EHMT1: variants seen among roughly 807,000 people sequenced by gnomAD.
The protein encoded by EHMT1 is euchromatic histone lysine methyltransferase 1, also known as histone-lysine N-methyltransferase EHMT1.
Under a neutral mutation model 147.2 loss-of-function variants are expected in EHMT1, and 15 were observed. That is an observed-to-expected ratio of 0.10 (90% CI 0.07 to 0.16). The LOEUF is 0.16. Ranked by LOEUF, EHMT1 falls within the 10% of genes least tolerant of loss-of-function variation. EHMT1 has a pLI of 1.00. For missense variants in EHMT1, 1,587 were observed against 1,772.4 expected, an observed-to-expected ratio of 0.90 and a Z score of 1.88; for synonymous variants, 795 against 709.6, an observed-to-expected ratio of 1.12 and a Z score of -1.91.
chr9:137,754,085 T>TTTTGC, intron 7 of EHMT1, 86 bp from the exon 8 acceptor site: 1 of 1,602,498 alleles, frequency 6.2e-7, no homozygotes, highest in Non-Finnish European at 8.5e-7. Flanking sequence ...CAGTGTTCTG[T>TTTTGC]TTTGCAAGAA....
chr9:137,624,059 G>A (rs1843105579), intron 1 of EHMT1, among the ~76,000 whole-genome samples: 1 of 150,652 alleles, frequency 6.6e-6, no homozygotes, highest in Non-Finnish European at 1.5e-5. Flanking sequence ...GAGTACAGTG[G>A]CGCCATCTCG....
At chr9:137,809,425 G>A (rs372777241) in intron 18 of EHMT1, among the ~76,000 whole-genome samples, 8 of 152,348 alleles carry the variant, frequency 5.3e-5, no homozygotes, top group East Asian at 1.9e-4. Context: ...CTGCGCCCTC[G>A]GAGGGAGGCG....
At chr9:137,707,416 C>T (rs550219945) in intron 1 of EHMT1, among the ~76,000 whole-genome samples, 13 of 152,332 alleles carry the variant, frequency 8.5e-5, no homozygotes, top group African/African-American at 3.1e-4. Flanking sequence ...TCTGCTGGGC[C>T]TCCCTCCTCC....
intron 8 of EHMT1, among the ~76,000 whole-genome samples, chr9:137,755,666 G>T (rs1456029309): frequency 6.6e-6 from 1 of 152,168 alleles, no homozygotes; most frequent in Admixed American, 6.5e-5. Context: ...CCAAGCACTC[G>T]TCCTGTTTTA....
chr9:137,812,750 A>G (rs1225111415), intron 19 of EHMT1, among the ~76,000 whole-genome samples: 3 of 152,202 alleles, frequency 2.0e-5, no homozygotes, highest in Admixed American at 2.0e-4. Context: ...GCCGCCCTGG[A>G]TTTTACACTC....
At chr9:137,667,898 G>C (rs948647610) in intron 1 of EHMT1, among the ~76,000 whole-genome samples, 1 of 152,140 alleles carries the variant, frequency 6.6e-6, no homozygotes, top group African/African-American at 2.4e-5. Flanking sequence ...GTGGAATCCA[G>C]AAAAGAGCCT....
chr9:137,663,708 C>T (rs1326120615), intron 1 of EHMT1, among the ~76,000 whole-genome samples: 4 of 152,160 alleles, frequency 2.6e-5, no homozygotes, highest in East Asian at 1.9e-4. Context: ...ATTTCCCATG[C>T]GAGCACACCA....
chr9:137,684,207 A>AT (rs1942225354), intron 1 of EHMT1, among the ~76,000 whole-genome samples: 1 of 151,426 alleles, frequency 6.6e-6, no homozygotes, highest in African/African-American at 2.4e-5. Context: ...TAATTTTTGT[A>AT]TTTTTTGTAG....
In EHMT1 at chr9:137,743,984, A is replaced by C; in HGVS notation, c.1064A>C (p.Glu355Ala). 8.1e-6 allele frequency: 13 copies of C among 1,614,026 alleles called. No homozygotes were observed. Among genetic ancestry groups the C allele is most frequent in the Non-Finnish European group, 1.1e-5 (13 of 1,179,980 alleles). The change falls in exon 6 of 27, where the codon GAG becomes GCG. Residue 355 changes from glutamate (E) to alanine (A), a missense_variant. Glu to Ala is a moderately radical substitution (Grantham distance 107). Coordinates refer to ENST00000460843, the MANE Select transcript of EHMT1 (RefSeq NM_024757.5). ...GACTCGGATGAGGACGACTCAGAGG[A>C]GCTCGAGGAGGACGACGGCCATGGT... Reference protein sequence around the residue: ...EMDSDEDDSEELEEDDGHGAE... With the variant: ...EMDSDEDDSEALEEDDGHGAE...
chr9:137,833,941 C>T (rs934063166), intron 25 of EHMT1: 3 of 258,338 alleles, frequency 1.2e-5, no homozygotes, highest in African/African-American at 2.3e-5. Context: ...CCCTCCCGAC[C>T]CCCTCAGCCC....
chr9:137,782,518 GCA>G lies in EHMT1; in HGVS notation c.2382+124_2382+125del, dbSNP rs1321534825. 4.6e-5 allele frequency: 44 copies of G among 950,162 alleles called. No homozygotes were observed. The highest frequency in any genetic ancestry group is 1.9e-4 in the African/African-American group (12 of 61,582). The allele number at this position is 950,162 out of a possible 1,614,324, so 58.9% of individuals were successfully genotyped here. Reference sequence around the variant, plus strand: ...AGAGTTCCGTAGTGCTGTGAATCGGGCACAGAGTCAGCTTTTCTGCCCCCGAG... The same window carrying G: ...AGAGTTCCGTAGTGCTGTGAATCGGGCAGAGTCAGCTTTTCTGCCCCCGAG... On this transcript the variant is annotated intron_variant, in intron 15 of 26. Transcript: ENST00000460843. This position sits in a 1 kb window ranked among gnomAD's most constrained non-coding sequence, Gnocchi z 5.7.
intron 1 of EHMT1, among the ~76,000 whole-genome samples, chr9:137,665,398 G>A (rs10120424): frequency 9.8e-4 from 149 of 152,250 alleles, no homozygotes; most frequent in African/African-American, 3.4e-3. Flanking sequence ...GTGCAGGTGC[G>A]TCCTGGAGCT....
Position 137,835,565 on chromosome 9 carries a change from C to A in EHMT1, c.*612C>A, listed in dbSNP as rs1295090294. Reference sequence around the variant, plus strand: ...ATATCTAGTCCTATATATCAAACCTCTAACTGACGTTTCTTTTCGAGGAAG... The same window carrying A: ...ATATCTAGTCCTATATATCAAACCTATAACTGACGTTTCTTTTCGAGGAAG... On this transcript the variant is annotated 3_prime_UTR_variant, in exon 27 of 27. Coordinates refer to ENST00000460843, the MANE Select transcript of EHMT1 (RefSeq NM_024757.5). 1 of 152,692 alleles carries A rather than the reference C, an allele frequency of 6.5e-6. No homozygotes were observed. Among genetic ancestry groups the A allele is most frequent in the Non-Finnish European group, 1.5e-5 (1 of 68,056 alleles). 9.5% of individuals were successfully genotyped at this position (152,692 alleles called of 1,614,324 possible). A position where few individuals can be genotyped will look rare whatever the true frequency, so the allele number is the denominator to read the frequency against.
intron 4 of EHMT1, among the ~76,000 whole-genome samples, chr9:137,742,504 G>A (rs145673063): frequency 2.0e-5 from 3 of 152,218 alleles, no homozygotes; most frequent in Middle Eastern, 6.8e-3. Flanking sequence ...TTTCTTTTAT[G>A]TTAAAGCAGT....
intron 22 of EHMT1, chr9:137,814,743 G>A: frequency 6.5e-6 from 4 of 612,148 alleles, no homozygotes; most frequent in South Asian, 5.7e-5. Flanking sequence ...ATCCTTTGTG[G>A]CTGCCTGGAT....
chr9:137,628,569 T>C (rs538471911), intron 1 of EHMT1, among the ~76,000 whole-genome samples: 1 of 152,342 alleles, frequency 6.6e-6, no homozygotes, highest in African/African-American at 2.4e-5. Context: ...CGTGAACTGC[T>C]GTGGCTGGCC....
At chr9:137,765,575 C>T (rs1950158475) in intron 10 of EHMT1, among the ~76,000 whole-genome samples, 1 of 152,146 alleles carries the variant, frequency 6.6e-6, no homozygotes, top group Admixed American at 6.5e-5. Flanking sequence ...TTGGGCTGAA[C>T]AAACCAACTT....
Position 137,816,137 on chromosome 9 carries a change from A to C in EHMT1, c.3374+75A>C. On this transcript the variant is annotated intron_variant, in intron 23 of 26. Transcript: ENST00000460843. ...GTATTAGCACGGAGGTCACCCCGACAGACAAGAACTTAACGTGTTTGGATG... is the reference window on the plus strand; with the variant it reads ...GTATTAGCACGGAGGTCACCCCGACCGACAAGAACTTAACGTGTTTGGATG... 4 of 1,365,574 alleles carry C rather than the reference A, an allele frequency of 2.9e-6. No individual in the cohort carries two copies. The South Asian group carries it at 5.0e-5, about 17-fold the overall frequency. The allele number at this position is 1,365,574 out of a possible 1,614,324, so 84.6% of individuals were successfully genotyped here.
rs1474604202 is a variant in EHMT1 at position 137,728,442 on chromosome 9, C to T, written c.736C>T (p.Arg246Ter). 1 of 1,614,162 alleles carries T rather than the reference C, an allele frequency of 6.2e-7. No homozygotes were observed. The highest frequency in any genetic ancestry group is 8.5e-7 in the Non-Finnish European group (1 of 1,180,028). The change falls in exon 4 of 27, where the codon CGA becomes TGA. Residue 246 changes from arginine (R) to a stop codon, truncating the protein, a stop_gained. Coordinates refer to ENST00000460843, the MANE Select transcript of EHMT1 (RefSeq NM_024757.5). LOFTEE classifies it high-confidence loss of function. ...CAACAAAAACATTTCTGACTTTGGA[C>T]GACAGCAGCTTTTACCCCCCTTCCC... Reference protein sequence around the residue: ...EINKNISDFGRQQLLPPFPSL... With the variant: ...EINKNISDFG
Sources: gnomAD v4.1 joint callset for allele counts (sites outside exome capture counted in the v4.1 genomes callset) on GRCh38, gnomAD v4.1.1 for gene constraint, Gnocchi (gnomAD v3.1) non-coding constraint, MANE v1.5 for transcripts, NCBI Gene and HGNC (gene_info 2026-07-23, HGNC 2026-07-21) for gene names.